TECRL: variants seen among roughly 807,000 people sequenced by gnomAD.
TECRL encodes trans-2,3-enoyl-CoA reductase like, also known as trans-2,3-enoyl-CoA reductase-like.
In TECRL, 63 loss-of-function variants were observed where a neutral mutation model predicts 52.8. The ratio of observed to expected loss-of-function variants is 1.19; its 90% CI spans 0.97 to 1.47. The LOEUF is 1.47. Among genes scored for constraint, TECRL ranks in the 40% most tolerant of loss-of-function variants. TECRL has a pLI of 0.00. For synonymous variants in TECRL, 164 were observed against 141.9 expected (o/e 1.16, Z -1.10); for missense variants, 482 against 429.6 (o/e 1.12, Z -1.08).
intron 1 of TECRL, among the ~76,000 whole-genome samples, chr4:64,375,636 A>T (rs1012871580): frequency 6.6e-6 from 1 of 151,894 alleles, no homozygotes; most frequent in African/African-American, 2.4e-5. Flanking sequence ...GACAAATGAG[A>T]GAAATGTTTA....
intron 4 of TECRL, among the ~76,000 whole-genome samples, chr4:64,319,820 A>G (rs1389712831): frequency 6.6e-6 from 1 of 151,948 alleles, no homozygotes; most frequent in African/African-American, 2.4e-5. Flanking sequence ...TTTCAAGGAC[A>G]CTATGCTTAC....
intron 2 of TECRL, among the ~76,000 whole-genome samples, chr4:64,334,355 A>T (rs552769760): frequency 1.3e-5 from 2 of 152,254 alleles, no homozygotes; most frequent in Middle Eastern, 3.4e-3. Context: ...TCTGTAAACC[A>T]TTTCTTTGCA....
intron 2 of TECRL, among the ~76,000 whole-genome samples, chr4:64,367,368 G>A (rs1409336337): frequency 1.3e-5 from 2 of 151,968 alleles, no homozygotes; most frequent in Admixed American, 6.6e-5. Context: ...ACCTGCACAT[G>A]CACCCCCTGA....
chr4:64,304,549 C>T (rs67489022), intron 7 of TECRL, among the ~76,000 whole-genome samples: 7,142 of 152,028 alleles, frequency 0.047, 253 homozygotes, highest in Middle Eastern at 0.099. Flanking sequence ...AATTGTTGAG[C>T]TTTACATTGT....
intron 4 of TECRL, among the ~76,000 whole-genome samples, chr4:64,319,972 GGAA>G (rs1248816114): frequency 2.0e-5 from 3 of 151,864 alleles, no homozygotes; most frequent in Non-Finnish European, 4.4e-5. Flanking sequence ...AAAGATAAAA[GGAA>G]GAAGTTCCTT....
chr4:64,383,904 G>T (rs1471102328), intron 1 of TECRL, among the ~76,000 whole-genome samples: 1 of 151,418 alleles, frequency 6.6e-6, no homozygotes, highest in Admixed American at 6.6e-5. Flanking sequence ...TTTTCCTGTA[G>T]ATGTCCCTGT....
chr4:64,318,246 A>G (rs185950057), intron 4 of TECRL, among the ~76,000 whole-genome samples: 1 of 152,286 alleles, frequency 6.6e-6, no homozygotes, highest in African/African-American at 2.4e-5. Context: ...AAAATTAAAG[A>G]TGCACATAAC....
At chr4:64,359,752 C>A (rs1000261148) in intron 2 of TECRL, among the ~76,000 whole-genome samples, 1 of 152,000 alleles carries the variant, frequency 6.6e-6, no homozygotes, top group Non-Finnish European at 1.5e-5. Context: ...TGATCTCCTG[C>A]AATTTTACAA....
chr4:64,398,276 A>G (rs1039681225), intron 1 of TECRL, among the ~76,000 whole-genome samples: 1 of 152,168 alleles, frequency 6.6e-6, no homozygotes, highest in African/African-American at 2.4e-5. Flanking sequence ...ATTAAATAAT[A>G]TAGTTTGGAT....
intron 8 of TECRL, among the ~76,000 whole-genome samples, chr4:64,291,470 C>CTGTG (rs1723384589): frequency 6.6e-6 from 1 of 151,466 alleles, no homozygotes; most frequent in Non-Finnish European, 1.5e-5. Context: ...GTGCCAAACA[C>CTGTG]AAAAATAGAA....
At chr4:64,308,204 A>G (rs1445298559) in intron 6 of TECRL, among the ~76,000 whole-genome samples, 3 of 152,082 alleles carry the variant, frequency 2.0e-5, no homozygotes, top group Admixed American at 6.6e-5. Context: ...ACACACCTGA[A>G]CCACCCATTA....
intron 1 of TECRL, among the ~76,000 whole-genome samples, chr4:64,398,779 G>A (rs1724145263): frequency 6.6e-6 from 1 of 152,170 alleles, no homozygotes; most frequent in Non-Finnish European, 1.5e-5. Context: ...GAGTTCAGAA[G>A]AAGAAAGGAA....
Position 64,328,519 on chromosome 4 carries a change from T to C in TECRL, c.324A>G (p.Leu108=). 1 of 1,611,602 alleles carries C rather than the reference T, an allele frequency of 6.2e-7. No individual in the cohort carries two copies. Among genetic ancestry groups the C allele is most frequent in the South Asian group, 1.1e-5 (1 of 90,860 alleles). Residue 108 remains leucine (L), a synonymous_variant, in exon 3 of 12, where the codon CTA becomes CTG. Transcript: ENST00000381210. ...KWYPSRVGLQ[L]ECGGPFLKDY... ...GTGAAAAATGCTTCTTACCACATTC[T>C]AGCTGCAGACCAACTCGAGAAGGGT...
At chr4:64,310,032 T>A in intron 5 of TECRL, 101 bp from the exon 6 acceptor site, 1 of 606,444 alleles carries the variant, frequency 1.6e-6, no homozygotes, top group East Asian at 3.2e-5. Context: ...ATGCTAGCTA[T>A]TGGGAAACAT....
chr4:64,339,085 A>G (rs1719348737), intron 2 of TECRL, among the ~76,000 whole-genome samples: 2 of 151,982 alleles, frequency 1.3e-5, no homozygotes, highest in Admixed American at 6.6e-5. Flanking sequence ...CATATACACC[A>G]TGGAATACTA....
intron 2 of TECRL, among the ~76,000 whole-genome samples, chr4:64,365,315 C>T (rs1253443587): frequency 1.3e-5 from 2 of 152,016 alleles, no homozygotes; most frequent in Non-Finnish European, 1.5e-5. Flanking sequence ...CCACCCGATA[C>T]CGTAAACAAG....
chr4:64,378,828 T>G (rs1355141630), intron 1 of TECRL, among the ~76,000 whole-genome samples: 3 of 152,014 alleles, frequency 2.0e-5, no homozygotes, highest in Non-Finnish European at 4.4e-5. Flanking sequence ...CATATAAATT[T>G]TTCGCCTTTT....
At chr4:64,277,023 T>C (rs1722596707), downstream of TECRL, 4 of 1,497,640 alleles carry the variant, frequency 2.7e-6, no homozygotes, top group Non-Finnish European at 3.6e-6. Context: ...TCAGGCTTTT[T>C]CTTTTGATGT....
intron 9 of TECRL, among the ~76,000 whole-genome samples, chr4:64,285,163 T>C (rs1427802959): frequency 1.3e-5 from 2 of 152,120 alleles, no homozygotes; most frequent in Admixed American, 1.3e-4. Flanking sequence ...TGTCATACCC[T>C]CTGAGAAAAT....
Sources: gnomAD v4.1 joint callset for allele counts (sites outside exome capture counted in the v4.1 genomes callset) on GRCh38, gnomAD v4.1.1 for gene constraint, MANE v1.5 for transcripts, NCBI Gene and HGNC (gene_info 2026-07-23, HGNC 2026-07-21) for gene names.